PALLD: variants seen among roughly 807,000 people sequenced by gnomAD.
PALLD encodes the protein palladin, cytoskeletal associated protein, also known as palladin.
In PALLD, 61 loss-of-function variants were observed where a neutral mutation model predicts 123.5. That is an observed-to-expected ratio of 0.49 (90% CI 0.40 to 0.61). PALLD has a LOEUF of 0.61. Ranked by LOEUF, PALLD falls within the 20% of genes least tolerant of loss-of-function variation. PALLD has a pLI of 0.00. For synonymous variants in PALLD, 465 were observed against 496.4 expected (o/e 0.94, Z 0.84); for missense variants, 1,273 against 1,377.0 (o/e 0.92, Z 1.20).
intron 10 of PALLD, among the ~76,000 whole-genome samples, chr4:168,846,722 C>T (rs753152530): frequency 4.6e-5 from 7 of 152,102 alleles, no homozygotes; most frequent in Admixed American, 1.3e-4. Context: ...AGGCTTCTTC[C>T]GAAGAATTAA....
intron 2 of PALLD, among the ~76,000 whole-genome samples, chr4:168,570,826 C>G (rs1768902973): frequency 6.6e-6 from 1 of 152,130 alleles, no homozygotes; most frequent in Non-Finnish European, 1.5e-5. Flanking sequence ...GATTGACACT[C>G]TTGGTTAATT....
chr4:168,714,043 C>A (rs1785103883), intron 10 of PALLD, among the ~76,000 whole-genome samples: 1 of 146,700 alleles, frequency 6.8e-6, no homozygotes. Context: ...TATTTACCTG[C>A]CATTTAACTA....
chr4:168,512,060 G>T lies in PALLD; in HGVS notation c.556G>T (p.Ala186Ser). The T allele has an allele frequency of 3.1e-6, 5 of 1,614,192 alleles. No homozygotes were observed. The highest frequency in any genetic ancestry group is 3.4e-6 in the Non-Finnish European group (4 of 1,180,034). Reference protein sequence around the residue: ...IEELTSIFKAAKPRNRSPNGE... With the variant: ...IEELTSIFKASKPRNRSPNGE... ...GGAGCTAACATCCATATTTAAAGCCGCAAAGCCAAGAAACAGAAGCCCAAA... is the reference window on the plus strand; with the variant it reads ...GGAGCTAACATCCATATTTAAAGCCTCAAAGCCAAGAAACAGAAGCCCAAA... Residue 186 changes from alanine (A) to serine (S), a missense_variant, in exon 2 of 22, where the codon GCA becomes TCA. Physicochemically the swap from Ala to Ser is moderately conservative, Grantham distance 99. Transcript: ENST00000505667.
intron 2 of PALLD, among the ~76,000 whole-genome samples, chr4:168,519,572 T>C (rs770624892): frequency 1.3e-5 from 2 of 152,202 alleles, no homozygotes; most frequent in Non-Finnish European, 2.9e-5. Context: ...ATGTATTCAG[T>C]CTTGTGCCAT....
chr4:168,802,744 G>A lies in PALLD; in HGVS notation c.1965-88178G>A, dbSNP rs185397608. ...TCACTCTTGTTGCCCAGGCTGGAGT[G>A]CAATGGCACCATGTCGGCTCACCGC... On this transcript the variant is annotated intron_variant, in intron 10 of 21. Coordinates refer to ENST00000505667, the MANE Select transcript of PALLD (RefSeq NM_001166108.2). Among the ~76,000 whole-genome samples the A allele has an allele frequency of 7.4e-4, 112 of 151,958 alleles. 1 individual carries two copies. The East Asian group carries it at 0.017, about 23-fold the overall frequency.
intron 10 of PALLD, chr4:168,864,471 T>C (rs976700183): frequency 2.0e-5 from 3 of 152,258 alleles, no homozygotes; most frequent in Non-Finnish European, 4.4e-5. Context: ...AACGTACTTA[T>C]TACTCAGCTG....
At chr4:168,684,097 A>T (rs1781800166) in intron 5 of PALLD, among the ~76,000 whole-genome samples, 1 of 152,136 alleles carries the variant, frequency 6.6e-6, no homozygotes, top group Non-Finnish European at 1.5e-5. Flanking sequence ...AATATTGATA[A>T]ATATTTATTG....
intron 10 of PALLD, among the ~76,000 whole-genome samples, chr4:168,848,143 AC>A (rs1210771676): frequency 7.6e-5 from 11 of 145,490 alleles, no homozygotes; most frequent in Non-Finnish European, 9.0e-5. Flanking sequence ...CGGCAACCCT[AC>A]CCCCGTCCCA....
At chr4:168,721,107 G>A (rs971683740) in intron 10 of PALLD, among the ~76,000 whole-genome samples, 6 of 152,152 alleles carry the variant, frequency 3.9e-5, no homozygotes, top group African/African-American at 1.2e-4. Context: ...GTTTGAAGTG[G>A]CACTCAATCA....
At chr4:168,788,713 T>C (rs1737100334) in intron 10 of PALLD, among the ~76,000 whole-genome samples, 1 of 152,094 alleles carries the variant, frequency 6.6e-6, no homozygotes, top group East Asian at 1.9e-4. Flanking sequence ...ATGCTGGGCA[T>C]GGGTAGGGAC....
chr4:168,718,839 T>A (rs1414409473), intron 10 of PALLD, among the ~76,000 whole-genome samples: 2 of 152,234 alleles, frequency 1.3e-5, no homozygotes, highest in African/African-American at 4.8e-5. Context: ...AAAAGTCTTA[T>A]TTTTAAGTGA....
chr4:168,762,562 T>G (rs1733096080), intron 10 of PALLD, among the ~76,000 whole-genome samples: 1 of 152,212 alleles, frequency 6.6e-6, no homozygotes, highest in African/African-American at 2.4e-5. Flanking sequence ...TAGGAATGCT[T>G]TTACACTGTT....
intron 10 of PALLD, among the ~76,000 whole-genome samples, chr4:168,761,645 G>GTTTTTTTTTTTTTGTTTTTTT (rs1732878013): frequency 1.1e-5 from 1 of 88,024 alleles, no homozygotes; most frequent in African/African-American, 4.1e-5. Context: ...GTTGTTGTTT[G>GTTTTTTTTTTTTTGTTTTTTT]TTTTTTTTTT....
intron 2 of PALLD, among the ~76,000 whole-genome samples, chr4:168,574,291 A>G (rs920898215): frequency 1.1e-4 from 17 of 152,090 alleles, no homozygotes; most frequent in Admixed American, 9.2e-4. Flanking sequence ...CTTACCACAA[A>G]AAACCCCCAA....
intron 10 of PALLD, among the ~76,000 whole-genome samples, chr4:168,724,932 A>G (rs2150280043): frequency 6.6e-6 from 1 of 152,234 alleles, no homozygotes; most frequent in South Asian, 2.1e-4. Context: ...CTACATTCCC[A>G]CTGTGTTTTC....
chr4:168,606,427 C>T (rs902083585), intron 2 of PALLD, among the ~76,000 whole-genome samples: 2 of 152,080 alleles, frequency 1.3e-5, no homozygotes, highest in South Asian at 4.1e-4. Context: ...GTAATCCCAG[C>T]ACTTTGGGAG....
At chr4:168,884,398 A>T (rs1753055301) in intron 10 of PALLD, among the ~76,000 whole-genome samples, 1 of 152,192 alleles carries the variant, frequency 6.6e-6, no homozygotes, top group Non-Finnish European at 1.5e-5. Flanking sequence ...TTCTGGTCAC[A>T]GGACCTCTGC....
intron 10 of PALLD, among the ~76,000 whole-genome samples, chr4:168,738,347 T>A (rs1251853260): frequency 6.6e-6 from 1 of 152,174 alleles, no homozygotes; most frequent in Non-Finnish European, 1.5e-5. Context: ...TACACGAGAC[T>A]TGTATGTAGC....
At chr4:168,796,329 C>A (rs538597169) in intron 10 of PALLD, among the ~76,000 whole-genome samples, 4 of 152,138 alleles carry the variant, frequency 2.6e-5, no homozygotes, top group Non-Finnish European at 5.9e-5. Flanking sequence ...GGAGAGAAGT[C>A]GTTTTACATT....
Sources: gnomAD v4.1 joint callset for allele counts (sites outside exome capture counted in the v4.1 genomes callset) on GRCh38, gnomAD v4.1.1 for gene constraint, MANE v1.5 for transcripts, NCBI Gene and HGNC (gene_info 2026-07-23, HGNC 2026-07-21) for gene names.